The following GTF2I variants were observed in gnomAD, a reference collection of about 807,000 sequenced individuals.
GTF2I encodes general transcription factor IIi.
In GTF2I, 12 loss-of-function variants were observed where a neutral mutation model predicts 67.6. That is an observed-to-expected ratio of 0.18 (90% CI 0.11 to 0.29). The LOEUF (loss-of-function observed/expected upper bound fraction) is 0.29, where lower values mean the gene tolerates loss of function less well. Ranked by LOEUF, GTF2I falls within the 10% of genes least tolerant of loss-of-function variation. The pLI, the probability that GTF2I is intolerant of heterozygous loss-of-function variation, is 1.00. For synonymous variants in GTF2I, 149 were observed against 197.0 expected (o/e 0.76, Z 2.04); for missense variants, 271 against 580.1 (o/e 0.47, Z 5.47).
At chr7:74,727,048 C>T (rs1047051450) in intron 12 of GTF2I, 4 of 152,152 alleles carry the variant, frequency 2.6e-5, no homozygotes, top group Non-Finnish European at 4.4e-5. Context: ...CATTTTATAG[C>T]GTCATTAGTT....
Position 74,699,140 on chromosome 7 carries a change from T to C in GTF2I, c.373+45T>C, listed in dbSNP as rs782566130. On this transcript the variant is annotated intron_variant, in intron 4 of 34. Transcript: ENST00000573035. ...TTTTTCTAAAAGATACATTATATAA[T>C]TGAATTTTCTAAAGGGAAGCTTATG... 11 of 1,114,362 alleles carry C rather than the reference T, an allele frequency of 9.9e-6. No homozygotes were observed. In the African/African-American group the frequency reaches 1.3e-4, roughly 13 times the overall value. 69.0% of individuals were successfully genotyped at this position (1,114,362 alleles called of 1,614,324 possible).
At chr7:74,680,099 A>AAAAAAAAAAAAAAAATATAT in intron 1 of GTF2I, among the ~76,000 whole-genome samples, 3 of 94,998 alleles carry the variant, frequency 3.2e-5, no homozygotes, top group Non-Finnish European at 6.2e-5. Context: ...AAAAAAAAAA[A>AAAAAAAAAAAAAAAATATAT]ATATATATAT....
At position 74,711,051 on chromosome 7, in the gene GTF2I, A is replaced by T; in HGVS notation, c.705A>T (p.Ala235=). Residue 235 remains alanine (A), a synonymous_variant, in exon 9 of 35, where the codon GCA becomes GCT. Transcript: ENST00000573035. ...TTCTAGGCATTTCCCTGGAAATGGC[A>T]GCTGTGACAGTAAAGGAAGAATCAG... ...TEDSGISLEM[A]AVTVKEESED... is the part of the protein sequence containing the mutation. 1 of 1,542,820 alleles carries T rather than the reference A, an allele frequency of 6.5e-7. No individual in the cohort carries two copies. The highest frequency in any genetic ancestry group is 8.8e-7 in the Non-Finnish European group (1 of 1,132,622).
Position 74,691,106 on chromosome 7 carries a change from A to G in GTF2I, c.233A>G (p.Lys78Arg). 1 of 1,601,296 alleles carries G rather than the reference A, an allele frequency of 6.2e-7. No homozygotes were observed. Among genetic ancestry groups the G allele is most frequent in the South Asian group, 1.1e-5 (1 of 89,944 alleles). ...TRKDFQKDFVKYCVEEEEKAA... is the reference protein window; with the variant it reads ...TRKDFQKDFVRYCVEEEEKAA... Reference sequence around the variant, plus strand: ...AAGGATTTTCAAAAAGATTTTGTAAAATATTGTAAGCATTGTATTTTTATC... The same window carrying G: ...AAGGATTTTCAAAAAGATTTTGTAAGATATTGTAAGCATTGTATTTTTATC... The change falls in exon 3 of 35, where the codon AAA (lysine) becomes AGA (arginine). Residue 78 changes from lysine to arginine, a missense_variant. By Grantham distance (26) the Lys-to-Arg change is conservative. Transcript: ENST00000573035.
chr7:74,658,751 CG>C (rs1804187362), intron 1 of GTF2I, among the ~76,000 whole-genome samples: 1 of 151,512 alleles, frequency 6.6e-6, no homozygotes, highest in African/African-American at 2.4e-5. Context: ...GCCTGCCCCG[CG>C]GGGCCTGTTC....
At chr7:74,704,829 T>TG (rs1415360852) in intron 6 of GTF2I, among the ~76,000 whole-genome samples, 1 of 120,494 alleles carries the variant, frequency 8.3e-6, no homozygotes, top group Non-Finnish European at 1.6e-5. Flanking sequence ...CACACCAACC[T>TG]GGGCAACAGA....
chr7:74,685,236 C>T (rs888001470), intron 1 of GTF2I, among the ~76,000 whole-genome samples: 3 of 152,214 alleles, frequency 2.0e-5, no homozygotes, highest in African/African-American at 7.2e-5. Context: ...TGCCGGGCTC[C>T]AGTAATCCCA....
At chr7:74,716,681 G>A in intron 10 of GTF2I, 4 of 479,890 alleles carry the variant, frequency 8.3e-6, no homozygotes, top group Non-Finnish European at 1.5e-5. Flanking sequence ...CTCTGTATTT[G>A]TGTTTTCAAA....
intron 12 of GTF2I, among the ~76,000 whole-genome samples, chr7:74,720,890 A>G (rs1468009658): frequency 6.6e-6 from 1 of 151,990 alleles, no homozygotes; most frequent in African/African-American, 2.4e-5. Context: ...GAATGTAAAT[A>G]CTTGCTTTTA....
chr7:74,724,363 T>C (rs1793488822), intron 12 of GTF2I, among the ~76,000 whole-genome samples: 1 of 152,238 alleles, frequency 6.6e-6, no homozygotes, highest in Admixed American at 6.5e-5. Flanking sequence ...AGTCTGATTA[T>C]GTTGAAGCTA....
chr7:74,731,189 A>C (rs1465562843), intron 14 of GTF2I, among the ~76,000 whole-genome samples: 1 of 149,194 alleles, frequency 6.7e-6, no homozygotes, highest in African/African-American at 2.5e-5. Context: ...TTTTATTTTT[A>C]TCATATTTAT....
chr7:74,664,987 G>C (rs1554387991), intron 1 of GTF2I, among the ~76,000 whole-genome samples: 1 of 151,408 alleles, frequency 6.6e-6, no homozygotes, highest in African/African-American at 2.4e-5. Flanking sequence ...TGTTGCCCAG[G>C]CTGGAGTGTA....
chr7:74,691,279 T>TCAC (rs1307624435), intron 3 of GTF2I, among the ~76,000 whole-genome samples, 168 bp downstream of exon 3: 1 of 151,714 alleles, frequency 6.6e-6, no homozygotes, highest in Non-Finnish European at 1.5e-5. Flanking sequence ...CACTCTTGGC[T>TCAC]CACCACAACC....
At chr7:74,705,053 C>G in intron 6 of GTF2I, 111 bp from the exon 7 acceptor site, 2 of 716,538 alleles carry the variant, frequency 2.8e-6, no homozygotes, top group Non-Finnish European at 5.0e-6. Context: ...CTGGTGTGAT[C>G]CAGAGCTGCA....
At chr7:74,672,805 AT>A (rs1554391107) in intron 1 of GTF2I, among the ~76,000 whole-genome samples, 1 of 152,176 alleles carries the variant, frequency 6.6e-6, no homozygotes, top group Non-Finnish European at 1.5e-5. Context: ...TTGGACTAGA[AT>A]ACTGAAGACA....
intron 9 of GTF2I, among the ~76,000 whole-genome samples, chr7:74,713,182 A>T (rs1584248732): frequency 6.6e-6 from 1 of 152,336 alleles, no homozygotes; most frequent in South Asian, 2.1e-4. Flanking sequence ...AACTAAAAAA[A>T]ATATAGTTTA....
rs373486785 is a variant in GTF2I, at chr7:74,729,902, G to A, written c.1055-327G>A. ...CCTTTATCGTGGTCTCCCTTTTGTC[G>A]TGTTTCATTTGCTTGATCTTTTCTG... On this transcript the variant is annotated intron_variant, in intron 13 of 34. Transcript: ENST00000573035. Among the ~76,000 whole-genome samples, 144 of 149,844 alleles carry A rather than the reference G, an allele frequency of 9.6e-4. No individual in the cohort carries two copies. The East Asian group carries it at 0.023, about 24-fold the overall frequency.
chr7:74,757,944 T>TCTAAAGAGAAACA lies in GTF2I; in HGVS notation c.2897-15_2897-14insCTAAAGAGAAACA, dbSNP rs1239963853. 1 of 121,414 alleles carries TCTAAAGAGAAACA rather than the reference T, an allele frequency of 8.2e-6. No homozygotes were observed. Among genetic ancestry groups the TCTAAAGAGAAACA allele is most frequent in the African/African-American group, 9.2e-5 (1 of 10,910 alleles). The allele number at this position is 121,414 out of a possible 1,614,324, so 7.5% of individuals were successfully genotyped here. A position where few individuals can be genotyped will look rare whatever the true frequency, so the allele number is the denominator to read the frequency against. On this transcript the variant is annotated splice_polypyrimidine_tract_variant and intron_variant, in intron 32 of 34. Transcript: ENST00000573035. ...GTTGAACAATGTGGAAATCAGTCTC[T>TCTAAAGAGAAACA]GTGTTTCTCTTTAGAATCAGCTGAA... is the stretch of plus-strand genomic sequence containing the variant.
intron 16 of GTF2I, 139 bp from the exon 17 acceptor site, chr7:74,735,322 C>T: frequency 1.3e-5 from 1 of 75,174 alleles, no homozygotes; most frequent in Non-Finnish European, 2.3e-5. Flanking sequence ...AGCCATTGCA[C>T]CTGGCCACGA....
Sources: allele counts gnomAD v4.1 joint callset (sites outside exome capture counted in the v4.1 genomes callset), GRCh38; gene constraint gnomAD v4.1.1; transcripts MANE v1.5; gene names NCBI Gene and HGNC (gene_info 2026-07-23, HGNC 2026-07-21).